The following DAD1 variants were observed in gnomAD, a reference collection of about 807,000 sequenced individuals.
DAD1 encodes the protein defender against cell death 1.
Under a neutral mutation model 9.0 loss-of-function variants are expected in DAD1, and 4 were observed. The observed-to-expected ratio is 0.44, with a 90% CI of 0.22 to 1.01. The LOEUF is 1.01. Among genes scored for constraint, DAD1 ranks in the 50% least tolerant of loss-of-function variants. The pLI is 0.24. For missense variants in DAD1, 119 were observed against 137.3 expected (o/e 0.87, Z 0.67); for synonymous variants, 60 against 62.5 (o/e 0.96, Z 0.19).
intron 2 of DAD1, among the ~76,000 whole-genome samples, chr14:22,569,082 C>T (rs1446373296): frequency 6.6e-6 from 1 of 152,162 alleles, no homozygotes; most frequent in Non-Finnish European, 1.5e-5. Context: ...TCTTTCGTAC[C>T]ACTTTCCATG....
At position 22,565,104 on chromosome 14, in the gene DAD1, C is replaced by T. The variant is rs2036994146; in HGVS notation, c.*78G>A. On this transcript the variant is annotated 3_prime_UTR_variant, in exon 3 of 3. Coordinates refer to ENST00000250498, the MANE Select transcript of DAD1 (RefSeq NM_001344.4). ...CATGTGTCCAATAAGCTGCCATCTC[C>T]AGAACTCTTATCCAGGAAATTCAAA... is the stretch of plus-strand genomic sequence containing the variant. 4.3e-6 allele frequency: 3 copies of T among 702,022 alleles called. No homozygotes were observed. The South Asian group carries it at 4.4e-5, about 10-fold the overall frequency. 43.5% of individuals were successfully genotyped at this position (702,022 alleles called of 1,614,324 possible). A position where few individuals can be genotyped will look rare whatever the true frequency, so the allele number is the denominator to read the frequency against.
chr14:22,573,641 C>T (rs1424737516), intron 2 of DAD1, among the ~76,000 whole-genome samples: 2 of 136,690 alleles, frequency 1.5e-5, no homozygotes, highest in African/African-American at 2.7e-5. Flanking sequence ...ACTCGGGAGG[C>T]GGAGTCTGCA....
chr14:22,573,425 T>G (rs2037054582), intron 2 of DAD1, among the ~76,000 whole-genome samples: 1 of 152,070 alleles, frequency 6.6e-6, no homozygotes, highest in Admixed American at 6.6e-5. Context: ...TGAGTTAAAT[T>G]GTATTAAAAT....
At position 22,580,518 on chromosome 14, in the gene DAD1, A is replaced by C. The variant is rs1464652817; in HGVS notation, c.212-5285T>G. Among the ~76,000 whole-genome samples, 5 of 152,230 alleles carry C rather than the reference A, an allele frequency of 3.3e-5. No individual in the cohort carries two copies. In the East Asian group the frequency reaches 7.7e-4, roughly 23 times the overall value. ...TCTAGAAAAAAATCTGAAGAAATAG[A>C]AAACTATTAATAGTGGTCATTGGAG... is the stretch of plus-strand genomic sequence containing the variant. On this transcript the variant is annotated intron_variant, in intron 1 of 2. Coordinates refer to ENST00000250498, the MANE Select transcript of DAD1 (RefSeq NM_001344.4).
intron 2 of DAD1, among the ~76,000 whole-genome samples, chr14:22,574,323 C>T (rs1460318548): frequency 2.0e-5 from 3 of 152,108 alleles, no homozygotes; most frequent in Non-Finnish European, 2.9e-5. Context: ...AGCTTTAGAA[C>T]TCTGCTTGGG....
intron 2 of DAD1, among the ~76,000 whole-genome samples, chr14:22,569,239 A>G (rs2037021689): frequency 6.6e-6 from 1 of 151,980 alleles, no homozygotes. Context: ...TAGAGACCAT[A>G]CTGGCCAACA....
intron 1 of DAD1, among the ~76,000 whole-genome samples, chr14:22,580,498 A>G (rs1057336827): frequency 4.6e-5 from 7 of 152,150 alleles, no homozygotes; most frequent in African/African-American, 1.7e-4. Flanking sequence ...TAGAATCTAG[A>G]AAAAAATCTG....
At chr14:22,565,439 A>G (rs75551720) in intron 2 of DAD1, among the ~76,000 whole-genome samples, 2,954 of 149,212 alleles carry the variant, frequency 0.02, 29 homozygotes, top group Non-Finnish European at 0.029. Context: ...AAGACTTCAC[A>G]TAAGTCACTG....
Position 22,588,970 on chromosome 14 carries a change from C to G in DAD1, c.188G>C (p.Cys63Ser). The change falls in exon 1 of 3, where the codon TGT (cysteine) becomes TCT (serine). Residue 63 changes from cysteine to serine, a missense_variant. Physicochemically the swap from Cys to Ser is moderately radical, Grantham distance 112 (BLOSUM62 -1). Coordinates refer to ENST00000250498, the MANE Select transcript of DAD1 (RefSeq NM_001344.4). ...ACCCGCTAGGATGAAACTCCCCACA[C>G]AAGAGATGAAGCCCGAGAGAAAAGA... Reference protein sequence around the residue: ...FNSFLSGFISCVGSFILAVCL... With the variant: ...FNSFLSGFISSVGSFILAVCL... 1.2e-6 allele frequency: 2 copies of G among 1,614,166 alleles called. No homozygotes were observed. The highest frequency in any genetic ancestry group is 1.7e-6 in the Non-Finnish European group (2 of 1,180,026).
At chr14:22,575,825 G>A (rs1227272662) in intron 1 of DAD1, among the ~76,000 whole-genome samples, 1 of 152,182 alleles carries the variant, frequency 6.6e-6, no homozygotes, top group African/African-American at 2.4e-5. Flanking sequence ...GGGATTACAG[G>A]CATGAGCCAC....
intron 1 of DAD1, among the ~76,000 whole-genome samples, chr14:22,578,164 G>A (rs913970624): frequency 1.3e-5 from 2 of 152,060 alleles, no homozygotes; most frequent in Non-Finnish European, 2.9e-5. Flanking sequence ...GAGGCAATGA[G>A]GCAGGAGAAT....
chr14:22,567,556 T>C (rs2037009499), intron 2 of DAD1, among the ~76,000 whole-genome samples: 1 of 152,214 alleles, frequency 6.6e-6, no homozygotes, highest in Non-Finnish European at 1.5e-5. Context: ...CCTGATAGTG[T>C]TGACAAATCT....
At chr14:22,566,428 G>A (rs776145644) in intron 2 of DAD1, among the ~76,000 whole-genome samples, 2 of 151,738 alleles carry the variant, frequency 1.3e-5, no homozygotes, top group South Asian at 2.1e-4. Flanking sequence ...TCCGCCTCCC[G>A]GGTTCAGGCG....
At chr14:22,581,887 G>C (rs942547279) in intron 1 of DAD1, among the ~76,000 whole-genome samples, 1 of 152,008 alleles carries the variant, frequency 6.6e-6, no homozygotes, top group African/African-American at 2.4e-5. Context: ...CGGTGGAACA[G>C]TATAATGGTT....
At chr14:22,586,491 A>G (rs924266807) in intron 1 of DAD1, among the ~76,000 whole-genome samples, 2 of 152,086 alleles carry the variant, frequency 1.3e-5, no homozygotes, top group Non-Finnish European at 2.9e-5. Context: ...GTTGCAGTGA[A>G]CCGAGATCGC....
Position 22,587,109 on chromosome 14 carries a change from T to C in DAD1, c.211+1838A>G, listed in dbSNP as rs571957919. Among the ~76,000 whole-genome samples, 3 of 152,364 alleles carry C rather than the reference T, an allele frequency of 2.0e-5. No individual in the cohort carries two copies. The East Asian group carries it at 5.8e-4, about 29-fold the overall frequency. On this transcript the variant is annotated intron_variant, in intron 1 of 2. Transcript: ENST00000250498. The stretch of plus-strand genomic sequence containing the variant: ...GCCACAACGGGCTCAAAAACAGGTC[T>C]TGGCATAAGTGAAAGTCATTTGCTC...
At chr14:22,581,743 C>CAAAAAAAAAAAAA (rs59052046) in intron 1 of DAD1, among the ~76,000 whole-genome samples, 1 of 36,712 alleles carries the variant, frequency 2.7e-5, no homozygotes, top group Non-Finnish European at 5.3e-5. Flanking sequence ...AACTCCATCT[C>CAAAAAAAAAAAAA]AAAAAAAAAA....
chr14:22,573,587 G>A (rs995319318), intron 2 of DAD1, among the ~76,000 whole-genome samples: 6 of 151,694 alleles, frequency 4.0e-5, no homozygotes, highest in African/African-American at 1.5e-4. Context: ...GCGGGCGCCT[G>A]TAGTCCCAGC....
intron 2 of DAD1, among the ~76,000 whole-genome samples, chr14:22,571,682 T>C (rs112485404): frequency 5.6e-5 from 8 of 142,130 alleles, no homozygotes; most frequent in African/African-American, 2.1e-4. Flanking sequence ...CAGGCTGGAG[T>C]GCAATGGTGC....
Sources: gnomAD v4.1 joint callset for allele counts (sites outside exome capture counted in the v4.1 genomes callset) on GRCh38, gnomAD v4.1.1 for gene constraint, MANE v1.5 for transcripts, NCBI Gene and HGNC (gene_info 2026-07-23, HGNC 2026-07-21) for gene names.